CAMK2D: variants seen among roughly 807,000 people sequenced by gnomAD.
The protein encoded by CAMK2D is calcium/calmodulin-dependent protein kinase type II subunit delta.
CAMK2D carries 37 observed loss-of-function variants against 84.0 expected under a neutral mutation model. The ratio of observed to expected loss-of-function variants is 0.44; its 90% confidence interval spans 0.34 to 0.58. The LOEUF is 0.58. Among genes scored for constraint, CAMK2D ranks in the 20% least tolerant of loss-of-function variants. CAMK2D has a pLI of 0.02. For synonymous variants in CAMK2D, 202 were observed against 212.5 expected, an observed-to-expected ratio of 0.95 and a Z score of 0.43; for missense variants, 448 against 652.5, an observed-to-expected ratio of 0.69 and a Z score of 3.41.
chr4:113,569,707 G>C (rs1305749216), intron 4 of CAMK2D, among the ~76,000 whole-genome samples: 1 of 152,114 alleles, frequency 6.6e-6, no homozygotes, highest in Non-Finnish European at 1.5e-5. Context: ...CCAAAGGTCA[G>C]AATTCATGCA....
chr4:113,514,939 T>C lies in CAMK2D; in HGVS notation c.819+130A>G, dbSNP rs113688365. 6 of 887,224 alleles carry C rather than the reference T, an allele frequency of 6.8e-6. No individual in the cohort carries two copies. In the African/African-American group the frequency reaches 1.0e-4, roughly 15 times the overall value. The allele number at this position is 887,224 out of a possible 1,614,324, so 55.0% of individuals were successfully genotyped here. On this transcript the variant is annotated intron_variant, in intron 10 of 20. Transcript: ENST00000511664. Reference sequence around the variant, plus strand: ...CATAAAATTAATTTTCTTAAACACCTCGAGTCAAAAATTCATTCATTCTGA... The same window carrying C: ...CATAAAATTAATTTTCTTAAACACCCCGAGTCAAAAATTCATTCATTCTGA...
At chr4:113,570,411 A>G (rs532282179) in intron 4 of CAMK2D, among the ~76,000 whole-genome samples, 1 of 152,312 alleles carries the variant, frequency 6.6e-6, no homozygotes, top group African/African-American at 2.4e-5. Flanking sequence ...ACAAAGGTAT[A>G]GTAATCAAAA....
intron 2 of CAMK2D, among the ~76,000 whole-genome samples, chr4:113,697,834 T>C (rs2099407337): frequency 6.6e-6 from 1 of 152,068 alleles, no homozygotes; most frequent in South Asian, 2.1e-4. Context: ...GAAGAACAAA[T>C]GCAGAAGTCA....
At chr4:113,493,300 T>C (rs966880735) in intron 16 of CAMK2D, among the ~76,000 whole-genome samples, 2 of 152,166 alleles carry the variant, frequency 1.3e-5, no homozygotes, top group Non-Finnish European at 1.5e-5. Context: ...CTTTCCATGT[T>C]TAGTGCTTCC....
intron 4 of CAMK2D, among the ~76,000 whole-genome samples, chr4:113,590,353 T>C (rs2098863200): frequency 6.6e-6 from 1 of 152,134 alleles, no homozygotes. Context: ...TAAATGGAAA[T>C]ATATCAGACA....
At chr4:113,658,610 GC>G (rs960339061) in intron 3 of CAMK2D, among the ~76,000 whole-genome samples, 1 of 152,106 alleles carries the variant, frequency 6.6e-6, no homozygotes, top group African/African-American at 2.4e-5. Context: ...AATATCCAAT[GC>G]TTTGTTTACT....
chr4:113,643,229 A>G (rs959857390), intron 3 of CAMK2D, among the ~76,000 whole-genome samples: 4 of 148,614 alleles, frequency 2.7e-5, no homozygotes, highest in Non-Finnish European at 5.9e-5. Flanking sequence ...TTCAATAGAA[A>G]GGGATAATTC....
chr4:113,526,435 T>TGTGA (rs2098418161), intron 8 of CAMK2D, among the ~76,000 whole-genome samples: 1 of 152,044 alleles, frequency 6.6e-6, no homozygotes, highest in East Asian at 1.9e-4. Context: ...TGTGTGTGTG[T>TGTGA]GTGTGTGTGC....
At chr4:113,602,581 T>C (rs2098957855) in intron 4 of CAMK2D, among the ~76,000 whole-genome samples, 1 of 152,202 alleles carries the variant, frequency 6.6e-6, no homozygotes, top group Admixed American at 6.5e-5. Context: ...CAACCAGCCA[T>C]TATCTGCCAT....
intron 4 of CAMK2D, among the ~76,000 whole-genome samples, chr4:113,564,141 C>T (rs184110930): frequency 9.9e-5 from 15 of 152,224 alleles, no homozygotes; most frequent in East Asian, 9.7e-4. Context: ...CATTTGCATA[C>T]GCATACTTAA....
intron 4 of CAMK2D, among the ~76,000 whole-genome samples, chr4:113,567,572 C>T (rs2098731855): frequency 6.6e-6 from 1 of 152,082 alleles, no homozygotes; most frequent in African/African-American, 2.4e-5. Context: ...TCTTATAAAA[C>T]TATATAAAAT....
chr4:113,689,403 T>C (rs2154340223), intron 2 of CAMK2D, among the ~76,000 whole-genome samples: 1 of 152,364 alleles, frequency 6.6e-6, no homozygotes, highest in Admixed American at 6.5e-5. Flanking sequence ...CATTTGTTCC[T>C]GCAAATCTCC....
chr4:113,456,452 T>A (rs577722863), intron 19 of CAMK2D, among the ~76,000 whole-genome samples: 17 of 152,338 alleles, frequency 1.1e-4, no homozygotes, highest in African/African-American at 4.1e-4. Flanking sequence ...TAATGTTCTA[T>A]CATATTAAAC....
chr4:113,514,418 C>A (rs910893000), intron 10 of CAMK2D, among the ~76,000 whole-genome samples: 8 of 151,954 alleles, frequency 5.3e-5, no homozygotes, highest in African/African-American at 1.9e-4. Flanking sequence ...TGTCTCAAAA[C>A]AAAACAAAAC....
At position 113,537,349 on chromosome 4, in the gene CAMK2D, G is replaced by A. The variant is rs979163662; in HGVS notation, c.509C>T (p.Ala170Val). Residue 170 changes from alanine to valine, a missense_variant, in exon 7 of 21, where the codon GCG (alanine) becomes GTG (valine). By Grantham distance (64) the Ala-to-Val change is moderately conservative. Coordinates refer to ENST00000511664, the MANE Select transcript of CAMK2D (RefSeq NM_001321571.2). ...GAGGGGGCCCTACTCACCAAACCAC[G>A]CCTGCTGGTCCCCTTGAACTTCTAT... ...LAIEVQGDQQ[A>V]WFGFAGTPGY... 10 of 1,596,044 alleles carry A rather than the reference G, an allele frequency of 6.3e-6. No individual in the cohort carries two copies. The highest frequency in any genetic ancestry group is 1.7e-5 in the Admixed American group (1 of 59,888).
rs370655349 is a variant in CAMK2D, at chr4:113,531,312, G to A, written c.518-13C>T. On this transcript the variant is annotated splice_polypyrimidine_tract_variant and intron_variant, in intron 7 of 20. Transcript: ENST00000511664. ...GTGCCAGCAAAACCTAGGGAAAAGA[G>A]ATGTTAATGAGTCACAGTTGATTTG... 5.8e-6 allele frequency: 8 copies of A among 1,372,316 alleles called. No individual in the cohort carries two copies. Among genetic ancestry groups the A allele is most frequent in the Non-Finnish European group, 4.2e-6 (4 of 959,626 alleles). The allele number at this position is 1,372,316 out of a possible 1,614,324, so 85.0% of individuals were successfully genotyped here.
intron 5 of CAMK2D, 81 bp downstream of exon 5, chr4:113,551,950 A>G (rs1178761035): frequency 7.6e-6 from 5 of 654,906 alleles, no homozygotes; most frequent in Non-Finnish European, 1.3e-5. Flanking sequence ...GTTTGTACAA[A>G]CATGCATTTG....
At chr4:113,623,396 A>C (rs1195101356) in intron 3 of CAMK2D, among the ~76,000 whole-genome samples, 1 of 152,076 alleles carries the variant, frequency 6.6e-6, no homozygotes, top group Non-Finnish European at 1.5e-5. Flanking sequence ...ACACACACAC[A>C]CACACACCCA....
At chr4:113,715,675 C>T (rs1017368874) in intron 2 of CAMK2D, among the ~76,000 whole-genome samples, 1 of 152,064 alleles carries the variant, frequency 6.6e-6, no homozygotes, top group African/African-American at 2.4e-5. Flanking sequence ...CTTAGCAATT[C>T]ACAATATATG....
Sources: gnomAD v4.1 joint callset for allele counts (sites outside exome capture counted in the v4.1 genomes callset) on GRCh38, gnomAD v4.1.1 for gene constraint, MANE v1.5 for transcripts, NCBI Gene and HGNC (gene_info 2026-07-23, HGNC 2026-07-21) for gene names.